Variants in TTC29 observed in about 807,000 individuals in gnomAD.
The protein encoded by TTC29 is tetratricopeptide repeat domain 29.
In TTC29, 49 loss-of-function variants were observed where a neutral mutation model predicts 58.1. The observed-to-expected ratio is 0.84, with a 90% confidence interval of 0.67 to 1.07. TTC29 has a LOEUF of 1.07. TTC29 is among the 50% of genes least tolerant of loss of function. TTC29 has a pLI of 0.00. For missense variants in TTC29, 582 were observed against 555.6 expected, an observed-to-expected ratio of 1.05 and a Z score of -0.48; for synonymous variants, 209 against 196.8, an observed-to-expected ratio of 1.06 and a Z score of -0.52.
At chr4:146,798,554 T>C (rs978225187) in intron 11 of TTC29, among the ~76,000 whole-genome samples, 2 of 151,910 alleles carry the variant, frequency 1.3e-5, no homozygotes, top group African/African-American at 2.4e-5. Context: ...AAACAACAAA[T>C]AAAATGCTCA....
chr4:146,837,756 A>T (rs1728605087), intron 8 of TTC29, among the ~76,000 whole-genome samples: 1 of 152,048 alleles, frequency 6.6e-6, no homozygotes, highest in African/African-American at 2.4e-5. Context: ...CAGGATGGTT[A>T]AAATCTAGCA....
intron 2 of TTC29, among the ~76,000 whole-genome samples, chr4:146,941,335 C>A (rs1320262426): frequency 6.6e-6 from 1 of 152,146 alleles, no homozygotes; most frequent in East Asian, 1.9e-4. Context: ...GGGAAAATCA[C>A]AATAAAATCT....
At chr4:146,891,689 T>C (rs773604985) in intron 6 of TTC29, among the ~76,000 whole-genome samples, 7 of 152,190 alleles carry the variant, frequency 4.6e-5, no homozygotes, top group Non-Finnish European at 7.3e-5. Context: ...CCTGGGCAGA[T>C]ACTGGTGTGC....
chr4:146,793,416 A>G (rs754331796), intron 11 of TTC29, among the ~76,000 whole-genome samples: 1 of 152,208 alleles, frequency 6.6e-6, no homozygotes, highest in Non-Finnish European at 1.5e-5. Context: ...GACTTGCCGT[A>G]GGCTCAGATG....
At chr4:146,784,657 A>G (rs1202424253) in intron 11 of TTC29, among the ~76,000 whole-genome samples, 4 of 152,192 alleles carry the variant, frequency 2.6e-5, no homozygotes, top group Admixed American at 2.0e-4. Flanking sequence ...GCCTCAGCAT[A>G]TATTGAATCT....
rs1440952310 is a variant in TTC29 at position 146,804,741 on chromosome 4, G to A, written c.1102-1056C>T. Reference sequence around the variant, plus strand: ...AGAAAGGCAGCAGCCCCAGTCAGGGGCTTATAGATAAAACTCCCATCTCCC... The same window carrying A: ...AGAAAGGCAGCAGCCCCAGTCAGGGACTTATAGATAAAACTCCCATCTCCC... On this transcript the variant is annotated intron_variant, in intron 10 of 12. Transcript: ENST00000325106. Among the ~76,000 whole-genome samples the A allele has an allele frequency of 3.3e-5, 5 of 152,278 alleles. No individual in the cohort carries two copies. The East Asian group carries it at 7.7e-4, about 24-fold the overall frequency.
intron 8 of TTC29, among the ~76,000 whole-genome samples, chr4:146,867,110 T>C (rs1205577925): frequency 1.3e-5 from 2 of 152,178 alleles, no homozygotes; most frequent in African/African-American, 4.8e-5. Flanking sequence ...ATAACTGCAT[T>C]TCTGTGTGTG....
chr4:146,734,851 A>C (rs1024343061), intron 11 of TTC29, among the ~76,000 whole-genome samples: 2 of 151,930 alleles, frequency 1.3e-5, no homozygotes, highest in African/African-American at 4.8e-5. Context: ...GGGAAGAGAA[A>C]GGATAAAAGG....
chr4:146,737,612 G>A (rs546992514), intron 11 of TTC29, among the ~76,000 whole-genome samples: 7 of 143,534 alleles, frequency 4.9e-5, no homozygotes, highest in South Asian at 2.3e-4. Flanking sequence ...GGCTACAAAC[G>A]GGTCTTGACA....
chr4:146,725,814 A>T (rs1743743579), intron 11 of TTC29, among the ~76,000 whole-genome samples: 2 of 152,328 alleles, frequency 1.3e-5, no homozygotes, highest in South Asian at 4.1e-4. Context: ...TTCATTCCAC[A>T]TATTCGGAAA....
At chr4:146,713,142 A>C (rs201238235) in intron 11 of TTC29, among the ~76,000 whole-genome samples, 1 of 51,270 alleles carries the variant, frequency 2.0e-5, no homozygotes, top group Non-Finnish European at 4.6e-5. Flanking sequence ...GTGTGTGTGT[A>C]AGAGGTGGGG....
chr4:146,800,973 C>T (rs992999047), intron 11 of TTC29, among the ~76,000 whole-genome samples: 1 of 152,070 alleles, frequency 6.6e-6, no homozygotes, highest in African/African-American at 2.4e-5. Context: ...AATAAGAGGG[C>T]ATCATGGAGG....
At chr4:146,889,503 T>C (rs893857620) in intron 6 of TTC29, among the ~76,000 whole-genome samples, 1 of 152,164 alleles carries the variant, frequency 6.6e-6, no homozygotes, top group African/African-American at 2.4e-5. Flanking sequence ...CTGGTTAAGA[T>C]TTTGTGTATT....
chr4:146,762,944 A>G (rs563889359), intron 11 of TTC29, among the ~76,000 whole-genome samples: 1 of 152,154 alleles, frequency 6.6e-6, no homozygotes, highest in African/African-American at 2.4e-5. Flanking sequence ...AGCTAACATT[A>G]TTTCTGGATT....
intron 4 of TTC29, among the ~76,000 whole-genome samples, chr4:146,910,489 A>G (rs1733825824): frequency 6.6e-6 from 1 of 152,076 alleles, no homozygotes; most frequent in Non-Finnish European, 1.5e-5. Flanking sequence ...GTAGAGAACA[A>G]ACAAATGAGG....
intron 11 of TTC29, among the ~76,000 whole-genome samples, chr4:146,792,812 G>T (rs1749563562): frequency 6.6e-6 from 1 of 152,128 alleles, no homozygotes; most frequent in African/African-American, 2.4e-5. Context: ...ATGCCATTAA[G>T]AACATTTATG....
At chr4:146,896,757 A>G (rs1214820494) in intron 6 of TTC29, among the ~76,000 whole-genome samples, 1 of 152,034 alleles carries the variant, frequency 6.6e-6, no homozygotes, top group East Asian at 1.9e-4. Context: ...CCTCAGCATC[A>G]TGGACTCAGT....
chr4:146,900,718 G>A (rs1579944338), intron 6 of TTC29, among the ~76,000 whole-genome samples: 1 of 152,296 alleles, frequency 6.6e-6, no homozygotes, highest in East Asian at 1.9e-4. Flanking sequence ...TGCTTAATGA[G>A]TAAAGAGTTT....
At chr4:146,854,672 A>T (rs1334508353) in intron 8 of TTC29, among the ~76,000 whole-genome samples, 1 of 152,050 alleles carries the variant, frequency 6.6e-6, no homozygotes, top group Non-Finnish European at 1.5e-5. Flanking sequence ...CCAGGAAATC[A>T]CATACAGAAT....
Sources: gnomAD v4.1 joint callset for allele counts (sites outside exome capture counted in the v4.1 genomes callset) on GRCh38, gnomAD v4.1.1 for gene constraint, MANE v1.5 for transcripts, NCBI Gene and HGNC (gene_info 2026-07-23, HGNC 2026-07-21) for gene names.